Variants in MYBPC1 observed in about 807,000 individuals in gnomAD.
The protein encoded by MYBPC1 is myosin binding protein C1, also known as myosin-binding protein C, slow-type.
MYBPC1 carries 52 observed loss-of-function variants against 147.1 expected under a neutral mutation model. That is an observed-to-expected ratio of 0.35 (90% CI 0.28 to 0.45). The LOEUF (loss-of-function observed/expected upper bound fraction) is 0.45. Ranked by LOEUF, MYBPC1 falls within the 20% of genes least tolerant of loss-of-function variation. The pLI is 1.00. For synonymous variants in MYBPC1, 477 were observed against 475.9 expected, an observed-to-expected ratio of 1.00 and a Z score of -0.03; for missense variants, 1,228 against 1,440.3, an observed-to-expected ratio of 0.85 and a Z score of 2.39.
intron 1 of MYBPC1, among the ~76,000 whole-genome samples, chr12:101,607,914 A>G (rs1409954936): frequency 1.3e-5 from 2 of 152,216 alleles, no homozygotes; most frequent in African/African-American, 4.8e-5. Context: ...TGATCATTGA[A>G]AATAGAAATG....
intron 6 of MYBPC1, 34 bp from the exon 7 acceptor site, chr12:101,631,537 A>G: frequency 6.2e-7 from 1 of 1,611,142 alleles, no homozygotes; most frequent in Non-Finnish European, 8.5e-7. Context: ...GACGCTTGTT[A>G]AAGAGCAAGC....
intron 11 of MYBPC1, among the ~76,000 whole-genome samples, chr12:101,642,814 G>A (rs895285070): frequency 6.6e-6 from 1 of 152,074 alleles, no homozygotes; most frequent in Non-Finnish European, 1.5e-5. Flanking sequence ...TTACCCCCGC[G>A]GTTACTGGGA....
At chr12:101,671,859 G>T (rs1484162488) in intron 24 of MYBPC1, among the ~76,000 whole-genome samples, 1 of 152,236 alleles carries the variant, frequency 6.6e-6, no homozygotes, top group East Asian at 1.9e-4. Context: ...TGAGACCAAA[G>T]TGTGATGTTT....
At chr12:101,672,900 G>A (rs1228826979) in intron 24 of MYBPC1, among the ~76,000 whole-genome samples, 1 of 152,122 alleles carries the variant, frequency 6.6e-6, no homozygotes, top group African/African-American at 2.4e-5. Flanking sequence ...TTGGGCAGAA[G>A]CTTTCTCAGC....
intron 13 of MYBPC1, 119 bp downstream of exon 13, chr12:101,647,006 T>A: frequency 1.5e-6 from 2 of 1,317,008 alleles, no homozygotes; most frequent in South Asian, 1.2e-5. Flanking sequence ...TGGATCCTAA[T>A]GAGTCTTCTG....
Position 101,680,579 on chromosome 12 carries a change from G to T in MYBPC1, c.3433+50G>T, listed in dbSNP as rs73388488. The T allele has an allele frequency of 2.2e-3, 3,563 of 1,595,676 alleles. 50 individuals carry two copies. The African/African-American group carries it at 0.039, about 18-fold the overall frequency. ...TAGACTAAAGTTAAAGAAAATCATT[G>T]AATTATTGTTCTTAATGCTTATTGT... On this transcript the variant is annotated intron_variant, in intron 29 of 31. Transcript: ENST00000361466.
chr12:101,596,531 A>G (rs960134031), intron 1 of MYBPC1, among the ~76,000 whole-genome samples: 1 of 152,190 alleles, frequency 6.6e-6, no homozygotes, highest in Admixed American at 6.5e-5. Flanking sequence ...ATTATTCTGA[A>G]TTTAGTGAAT....
chr12:101,643,885 A>G (rs551152289), intron 11 of MYBPC1, among the ~76,000 whole-genome samples: 3 of 152,302 alleles, frequency 2.0e-5, no homozygotes, highest in East Asian at 1.9e-4. Flanking sequence ...TACTGTTTCA[A>G]TTAGTCAAAG....
intron 3 of MYBPC1, among the ~76,000 whole-genome samples, chr12:101,617,552 T>C (rs1381058291): frequency 6.6e-6 from 1 of 152,210 alleles, no homozygotes; most frequent in East Asian, 1.9e-4. Context: ...TTTGGTCTTC[T>C]TAGGATTATA....
chr12:101,626,936 C>T (rs369216018), intron 4 of MYBPC1, 26 bp downstream of exon 4: 1 of 1,592,226 alleles, frequency 6.3e-7, no homozygotes, highest in Non-Finnish European at 8.6e-7. Context: ...ACCCTTTTCC[C>T]TGCTTTTAAA....
In MYBPC1 at chr12:101,606,203, A is replaced by AACACACACACAC. The variant is rs113061042; in HGVS notation, c.26-8271_26-8260dup. On this transcript the variant is annotated intron_variant, in intron 1 of 31. Transcript: ENST00000361466. ...ATGAGACCTTTCTTCTCAAAAAAGA[A>AACACACACACAC]ACACACACACACACACACACACACA... Among the ~76,000 whole-genome samples, 1,102 of 145,876 alleles carry AACACACACACAC rather than the reference A, an allele frequency of 7.6e-3. 12 individuals carry two copies. Among genetic ancestry groups the AACACACACACAC allele is most frequent in the African/African-American group, 0.025 (987 of 39,354 alleles).
chr12:101,618,921 T>G (rs1886773731), intron 3 of MYBPC1, among the ~76,000 whole-genome samples: 1 of 147,390 alleles, frequency 6.8e-6, no homozygotes, highest in Non-Finnish European at 1.5e-5. Flanking sequence ...TAATGGCAAA[T>G]ACATGTATAT....
In MYBPC1 at chr12:101,677,104, C is replaced by T. The variant is rs559903784; in HGVS notation, c.2950-131C>T. ...TTTTAACAACATATATTATTACTCT[C>T]CATATAAAAATGAGTGGTCTTTTTT... On this transcript the variant is annotated intron_variant, in intron 26 of 31. Coordinates refer to ENST00000361466, the MANE Select transcript of MYBPC1 (RefSeq NM_002465.4). The T allele has an allele frequency of 9.0e-4, 728 of 807,612 alleles. 3 individuals carry two copies. In the African/African-American group the frequency reaches 0.011, roughly 13 times the overall value. The allele number at this position is 807,612 out of a possible 1,614,324, so 50.0% of individuals were successfully genotyped here. A position where few individuals can be genotyped will look rare whatever the true frequency, so the allele number is the denominator to read the frequency against.
At chr12:101,636,766 G>A (rs1410334095) in intron 10 of MYBPC1, 38 bp downstream of exon 10, 2 of 1,575,292 alleles carry the variant, frequency 1.3e-6, no homozygotes, top group African/African-American at 1.3e-5. Flanking sequence ...TTGTGGCCTG[G>A]AAGTCTTTCA....
chr12:101,685,153 C>G (rs1377522389), intron 31 of MYBPC1, among the ~76,000 whole-genome samples: 2 of 152,098 alleles, frequency 1.3e-5, no homozygotes, highest in African/African-American at 4.8e-5. Context: ...AATCGAAACT[C>G]TCTGTGCCTA....
chr12:101,619,640 G>T (rs532030805), intron 3 of MYBPC1, among the ~76,000 whole-genome samples: 14 of 152,286 alleles, frequency 9.2e-5, no homozygotes, highest in African/African-American at 3.4e-4. Flanking sequence ...GTCACTGAGG[G>T]TTAGAATGAG....
At chr12:101,672,797 A>G (rs1899003937) in intron 24 of MYBPC1, among the ~76,000 whole-genome samples, 1 of 152,180 alleles carries the variant, frequency 6.6e-6, no homozygotes, top group African/African-American at 2.4e-5. Context: ...GCAGTGAGCC[A>G]AGATTGTGCC....
At chr12:101,617,092 A>T in intron 2 of MYBPC1, 110 bp from the exon 3 acceptor site, 1 of 921,130 alleles carries the variant, frequency 1.1e-6, no homozygotes, top group South Asian at 1.4e-5. Context: ...ATCATTTATG[A>T]CCTGTTCTGC....
At position 101,652,700 on chromosome 12, in the gene MYBPC1, A is replaced by G. The variant is rs151069483; in HGVS notation, c.1549A>G (p.Asn517Asp). ...TAGGATCCACAAGTTAGTGATAGCC[A>G]ATGCCCTCACTGAAGATGAAGGTGA... Reference protein sequence around the residue: ...KGRIHKLVIANALTEDEGDYV... With the variant: ...KGRIHKLVIADALTEDEGDYV... The change falls in exon 17 of 32, where the codon AAT (asparagine) becomes GAT (aspartate). Residue 517 changes from asparagine to aspartate, a missense_variant. By Grantham distance (23) the Asn-to-Asp change is conservative (BLOSUM62 1). Around this residue, in one of 2 missense-constraint regions of MYBPC1, gnomAD observed 1,077 missense variants for 1,314.2 expected, o/e 0.82. Transcript: ENST00000361466. 6.2e-7 allele frequency: 1 copy of G among 1,612,882 alleles called. No homozygotes were observed. Among genetic ancestry groups the G allele is most frequent in the Non-Finnish European group, 8.5e-7 (1 of 1,178,898 alleles).
Sources: gnomAD v4.1 joint callset for allele counts (sites outside exome capture counted in the v4.1 genomes callset) on GRCh38, gnomAD v4.1.1 for gene constraint, gnomAD v4.1.1 regional missense constraint, MANE v1.5 for transcripts, NCBI Gene and HGNC (gene_info 2026-07-23, HGNC 2026-07-21) for gene names.